The following CLYBL variants were observed in gnomAD, a reference collection of about 807,000 sequenced individuals.
CLYBL encodes the protein citramalyl-CoA lyase, mitochondrial.
A neutral mutation model predicts 38.9 loss-of-function variants in CLYBL; 31 were observed. The observed-to-expected ratio is 0.80, with a 90% CI of 0.60 to 1.08. The LOEUF is 1.08. Among genes scored for constraint, CLYBL ranks in the 50% least tolerant of loss-of-function variants. CLYBL has a pLI of 0.00. For missense variants in CLYBL, 434 were observed against 411.6 expected, an observed-to-expected ratio of 1.05 and a Z score of -0.47; for synonymous variants, 171 against 158.6, an observed-to-expected ratio of 1.08 and a Z score of -0.59.
At chr13:99,702,530 G>T (rs2048083247) in intron 1 of CLYBL, among the ~76,000 whole-genome samples, 1 of 151,780 alleles carries the variant, frequency 6.6e-6, no homozygotes, top group African/African-American at 2.4e-5. Flanking sequence ...TACTTAGGAG[G>T]CTGAGGCAGG....
chr13:99,660,659 A>G (rs2047395961), intron 1 of CLYBL, among the ~76,000 whole-genome samples: 1 of 152,218 alleles, frequency 6.6e-6, no homozygotes, highest in African/African-American at 2.4e-5. Flanking sequence ...AGGACTCAAC[A>G]TATTTAAATA....
chr13:99,645,012 T>G (rs2047156711), intron 1 of CLYBL, among the ~76,000 whole-genome samples: 1 of 152,210 alleles, frequency 6.6e-6, no homozygotes, highest in Non-Finnish European at 1.5e-5. Flanking sequence ...TACACTGCCT[T>G]CCTTTCTTTT....
At chr13:99,673,731 G>C (rs1476433453) in intron 1 of CLYBL, among the ~76,000 whole-genome samples, 1 of 152,200 alleles carries the variant, frequency 6.6e-6, no homozygotes, top group African/African-American at 2.4e-5. Context: ...GTGGAATGAG[G>C]AGCCATTGCA....
At chr13:99,631,541 G>A (rs1213268108) in intron 1 of CLYBL, among the ~76,000 whole-genome samples, 1 of 151,946 alleles carries the variant, frequency 6.6e-6, no homozygotes, top group African/African-American at 2.4e-5. Flanking sequence ...CCCATAAATG[G>A]TAGAATAGCT....
intron 1 of CLYBL, among the ~76,000 whole-genome samples, chr13:99,615,999 A>G (rs2046702932): frequency 6.6e-6 from 1 of 151,916 alleles, no homozygotes; most frequent in Non-Finnish European, 1.5e-5. Context: ...ACGCACAGCT[A>G]ATTTTTTTAT....
intron 2 of CLYBL, among the ~76,000 whole-genome samples, chr13:99,793,501 A>C (rs1435842238): frequency 6.6e-6 from 1 of 152,214 alleles, no homozygotes; most frequent in African/African-American, 2.4e-5. Flanking sequence ...TTATAAAAGT[A>C]GTAAAGTGTT....
intron 2 of CLYBL, among the ~76,000 whole-genome samples, chr13:99,798,220 C>G (rs1159751252): frequency 6.6e-6 from 1 of 152,130 alleles, no homozygotes; most frequent in Non-Finnish European, 1.5e-5. Context: ...TTTTACATTC[C>G]CAGAAGGCCC....
intron 1 of CLYBL, among the ~76,000 whole-genome samples, chr13:99,639,452 A>C (rs2047064839): frequency 6.6e-6 from 1 of 152,256 alleles, no homozygotes; most frequent in South Asian, 2.1e-4. Flanking sequence ...ATCCAAGGAC[A>C]TAAGCATTTA....
chr13:99,690,563 T>C (rs575430667), intron 1 of CLYBL: 1 of 152,306 alleles, frequency 6.6e-6, no homozygotes, highest in South Asian at 2.1e-4. Flanking sequence ...CATCAGTTGA[T>C]GGAATCATCA....
intron 2 of CLYBL, among the ~76,000 whole-genome samples, chr13:99,834,574 C>T (rs2050892301): frequency 1.3e-5 from 2 of 152,116 alleles, no homozygotes; most frequent in Non-Finnish European, 2.9e-5. Context: ...GGGTGATGCA[C>T]CCAGTGGCTA....
At chr13:99,684,290 G>A (rs1385732116) in intron 1 of CLYBL, among the ~76,000 whole-genome samples, 5 of 145,486 alleles carry the variant, frequency 3.4e-5, no homozygotes, top group African/African-American at 5.2e-5. Context: ...AGCAATTCTC[G>A]TGCCTCAGCC....
At chr13:99,815,708 C>T (rs1594199924) in intron 2 of CLYBL, among the ~76,000 whole-genome samples, 3 of 152,110 alleles carry the variant, frequency 2.0e-5, no homozygotes, top group African/African-American at 7.2e-5. Context: ...GAAACCTCGT[C>T]TCTACTAAAA....
intron 1 of CLYBL, among the ~76,000 whole-genome samples, chr13:99,771,986 G>T (rs2049404782): frequency 6.6e-6 from 1 of 152,162 alleles, no homozygotes; most frequent in Non-Finnish European, 1.5e-5. Context: ...GGCATTCACT[G>T]TCCTTCCTAC....
chr13:99,676,246 CTTTCTT>C lies in CLYBL; in HGVS notation c.62+69501_62+69506del, dbSNP rs1167734620. On this transcript the variant is annotated intron_variant, in intron 1 of 8. Coordinates refer to ENST00000339105, the MANE Select transcript of CLYBL (RefSeq NM_206808.5). Reference sequence around the variant, plus strand: ...CTTCCTTCCTTCCTTCCTTTCCTCCCTTTCTTTTTCTTTTTCTATTTCTCTTTCTCT... The same window carrying C: ...CTTCCTTCCTTCCTTCCTTTCCTCCCTTTCTTTTTCTATTTCTCTTTCTCT... 3.5e-5 allele frequency among the ~76,000 whole-genome samples: 4 copies of C among 113,394 alleles called. No homozygotes were observed. The East Asian group carries it at 1.0e-3, about 28-fold the overall frequency. 74.4% of individuals were successfully genotyped at this position (113,394 alleles called of 152,430 possible).
intron 1 of CLYBL, among the ~76,000 whole-genome samples, chr13:99,736,944 A>G (rs1321881434): frequency 6.6e-6 from 1 of 152,240 alleles, no homozygotes; most frequent in Non-Finnish European, 1.5e-5. Context: ...AATACTGACT[A>G]AAAATTGTCT....
At chr13:99,871,990 C>CAAAAAAAA in intron 7 of CLYBL, among the ~76,000 whole-genome samples, 1 of 119,420 alleles carries the variant, frequency 8.4e-6, no homozygotes, top group African/African-American at 2.9e-5. Context: ...TTCCCCCCTG[C>CAAAAAAAA]AAAAAAAAAA....
chr13:99,735,338 C>T (rs1762465369), intron 1 of CLYBL, among the ~76,000 whole-genome samples: 1 of 152,080 alleles, frequency 6.6e-6, no homozygotes. Context: ...GGACCACAGG[C>T]GGGCACCATT....
intron 1 of CLYBL, among the ~76,000 whole-genome samples, chr13:99,651,380 G>A (rs934271998): frequency 1.2e-4 from 18 of 151,988 alleles, no homozygotes; most frequent in African/African-American, 4.3e-4. Flanking sequence ...GACTAGACTG[G>A]CCAACATGGC....
intron 2 of CLYBL, among the ~76,000 whole-genome samples, chr13:99,833,262 C>T (rs947327527): frequency 8.0e-5 from 12 of 150,762 alleles, no homozygotes; most frequent in Admixed American, 1.3e-4. Context: ...AGGATGGTCT[C>T]GATCTCTTGA....
Sources: gnomAD v4.1 joint callset for allele counts (sites outside exome capture counted in the v4.1 genomes callset) on GRCh38, gnomAD v4.1.1 for gene constraint, MANE v1.5 for transcripts, NCBI Gene and HGNC (gene_info 2026-07-23, HGNC 2026-07-21) for gene names.